The following GGA1 variants were observed in gnomAD, a reference collection of about 807,000 sequenced individuals.
The protein encoded by GGA1 is golgi associated, gamma adaptin ear containing, ARF binding protein 1.
A neutral mutation model predicts 76.9 loss-of-function variants in GGA1; 18 were observed. The ratio of observed to expected loss-of-function variants is 0.23; its 90% CI spans 0.16 to 0.35. GGA1 has a LOEUF of 0.35. GGA1 is among the 10% of genes least tolerant of loss of function. GGA1 has a pLI of 1.00. For missense variants in GGA1, 755 were observed against 859.0 expected (o/e 0.88, Z 1.51); for synonymous variants, 342 against 354.7 (o/e 0.96, Z 0.40).
chr22:37,612,853 T>G, intron 1 of GGA1: 1 of 889,016 alleles, frequency 1.1e-6, no homozygotes, highest in Non-Finnish European at 1.3e-6. Context: ...TAAGCTAGAT[T>G]GTTGTTTAAC....
intron 1 of GGA1, among the ~76,000 whole-genome samples, chr22:37,611,437 A>G (rs1220319230): frequency 1.3e-5 from 2 of 152,122 alleles, no homozygotes; most frequent in Non-Finnish European, 2.9e-5. Flanking sequence ...AACATTTTGC[A>G]ACAGTCTGCA....
intron 1 of GGA1, chr22:37,609,293 G>A (rs982996865): frequency 6.2e-6 from 7 of 1,121,782 alleles, no homozygotes; most frequent in Middle Eastern, 2.5e-4. Context: ...GGGAGGGAGG[G>A]ACCCTACTAT....
chr22:37,620,265 G>A lies in GGA1; in HGVS notation c.331G>A (p.Val111Met). The change falls in exon 5 of 17, where the codon GTG becomes ATG. Residue 111 changes from valine (V) to methionine (M), a missense_variant. Coordinates refer to ENST00000343632, the MANE Select transcript of GGA1 (RefSeq NM_013365.5). ...TCTGGGCTCTCGGACATCGGAGAAG[G>A]TGAAGAACAAGATCTTGGAGCTCCT... ...KYLGSRTSEK[V>M]KNKILELLYS... The A allele has an allele frequency of 3.7e-6, 6 of 1,613,986 alleles. No individual in the cohort carries two copies. Among genetic ancestry groups the A allele is most frequent in the Non-Finnish European group, 5.1e-6 (6 of 1,179,904 alleles).
chr22:37,612,970 C>T (rs1928018726), intron 1 of GGA1: 1 of 985,090 alleles, frequency 1.0e-6, no homozygotes, highest in African/African-American at 1.7e-5. Context: ...TTCAGTCTTC[C>T]CCAGAACCTC....
rs1929665067 is a variant in GGA1 at position 37,620,381 on chromosome 22, G to A, written c.427+20G>A. On this transcript the variant is annotated intron_variant, in intron 5 of 16. Coordinates refer to ENST00000343632, the MANE Select transcript of GGA1 (RefSeq NM_013365.5). The stretch of plus-strand genomic sequence containing the variant: ...AGCAGGGTGAGGCACACAGAGGGTG[G>A]GGGGCGACCAGGGCCTGCCTTCCCC... The A allele has an allele frequency of 5.0e-6, 8 of 1,613,606 alleles. No individual in the cohort carries two copies. Among genetic ancestry groups the A allele is most frequent in the Non-Finnish European group, 5.9e-6 (7 of 1,179,784 alleles).
chr22:37,629,368 TAGGG>T, intron 11 of GGA1, 90 bp from the exon 12 acceptor site: 1 of 813,812 alleles, frequency 1.2e-6, no homozygotes, highest in Admixed American at 2.6e-5. Flanking sequence ...CAGAAAGGGG[TAGGG>T]AGCCCCATGC....
intron 13 of GGA1, 90 bp downstream of exon 13, chr22:37,630,260 G>C: frequency 1.0e-6 from 1 of 956,794 alleles, no homozygotes; most frequent in Middle Eastern, 2.6e-4. Flanking sequence ...AGGCCCAGCA[G>C]GGAGAGGCTC....
At position 37,615,133 on chromosome 22, in the gene GGA1, G is replaced by A. The variant is rs553263186; in HGVS notation, c.128+859G>A. Among the ~76,000 whole-genome samples, 7 of 151,266 alleles carry A rather than the reference G, an allele frequency of 4.6e-5. No homozygotes were observed. The East Asian group carries it at 7.9e-4, about 17-fold the overall frequency. ...GGGCAACATAGCGGGGCAACATAGCGAGACATCATCTCTTAAAAAATAAAA... is the reference window on the plus strand; with the variant it reads ...GGGCAACATAGCGGGGCAACATAGCAAGACATCATCTCTTAAAAAATAAAA... On this transcript the variant is annotated intron_variant, in intron 2 of 16. Coordinates refer to ENST00000343632, the MANE Select transcript of GGA1 (RefSeq NM_013365.5).
chr22:37,624,058 C>G lies in GGA1; in HGVS notation c.832+425C>G, dbSNP rs978790034. 6 of 182,990 alleles carry G rather than the reference C, an allele frequency of 3.3e-5. No individual in the cohort carries two copies. Among genetic ancestry groups the G allele is most frequent in the Admixed American group, 1.1e-4 (2 of 18,556 alleles). The allele number at this position is 182,990 out of a possible 1,614,324, so 11.3% of individuals were successfully genotyped here. A position where few individuals can be genotyped will look rare whatever the true frequency, so the allele number is the denominator to read the frequency against. On this transcript the variant is annotated intron_variant, in intron 9 of 16. Coordinates refer to ENST00000343632, the MANE Select transcript of GGA1 (RefSeq NM_013365.5). The surrounding 1 kb of genome is among the most constrained non-coding windows in gnomAD (Gnocchi z 4.3). ...TCCCACAGCCCAGGCAGTTCCAGAC[C>G]TGAGCCTGACGGCTTCTGCCAGGGC...
chr22:37,622,988 C>G (rs536046675), intron 7 of GGA1, among the ~76,000 whole-genome samples: 2 of 152,292 alleles, frequency 1.3e-5, no homozygotes, highest in East Asian at 3.9e-4. Flanking sequence ...AGGGCAAACA[C>G]AAGGAGGGCA....
chr22:37,621,515 C>A, intron 6 of GGA1, 101 bp from the exon 7 acceptor site: 1 of 714,036 alleles, frequency 1.4e-6, no homozygotes, highest in South Asian at 1.7e-5. Flanking sequence ...GTAACTTACT[C>A]AGGTCCCACA....
At chr22:37,616,127 C>CCA (rs1333197926) in intron 2 of GGA1, among the ~76,000 whole-genome samples, 3 of 152,128 alleles carry the variant, frequency 2.0e-5, no homozygotes, top group African/African-American at 7.2e-5. Context: ...CAGGCATGAG[C>CCA]CACCGTGCCC....
intron 1 of GGA1, among the ~76,000 whole-genome samples, chr22:37,612,147 C>T (rs939097609): frequency 6.6e-6 from 1 of 150,964 alleles, no homozygotes; most frequent in African/African-American, 2.4e-5. Flanking sequence ...CAAAGCAAGA[C>T]TCTTTCTCAA....
intron 6 of GGA1, 43 bp downstream of exon 6, chr22:37,620,956 TG>T: frequency 1.7e-6 from 2 of 1,177,502 alleles, no homozygotes; most frequent in Non-Finnish European, 2.6e-6. Context: ...TGAGCCCAGG[TG>T]GGGGTCCGTG....
rs1029453744 is a variant in GGA1, at chr22:37,624,475, C to G, written c.833-494C>G. On this transcript the variant is annotated intron_variant, in intron 9 of 16. Coordinates refer to ENST00000343632, the MANE Select transcript of GGA1 (RefSeq NM_013365.5). This position sits in a 1 kb window ranked among gnomAD's most constrained non-coding sequence, Gnocchi z 4.3. The stretch of plus-strand genomic sequence containing the variant: ...ATTAAAAAAAAAAAAAAAAGGTTGA[C>G]AAAAACTTCCTCATGGTAGTTTAGT... 1.4e-5 allele frequency: 2 copies of G among 146,910 alleles called. No individual in the cohort carries two copies. Among genetic ancestry groups the G allele is most frequent in the African/African-American group, 5.1e-5 (2 of 39,480 alleles). 9.1% of individuals were successfully genotyped at this position (146,910 alleles called of 1,614,324 possible).
In GGA1 at chr22:37,618,435, C is replaced by T. The variant is rs200792493; in HGVS notation, c.205-13C>T. 43 of 1,556,040 alleles carry T rather than the reference C, an allele frequency of 2.8e-5. No individual in the cohort carries two copies. The highest frequency in any genetic ancestry group is 3.6e-5 in the Non-Finnish European group (41 of 1,127,652). On this transcript the variant is annotated splice_polypyrimidine_tract_variant and intron_variant, in intron 3 of 16. Transcript: ENST00000343632. ...CACCTGGGCGTCCCCTCCCATCCCC[C>T]CTCCCTGCACAGGTGCTGGAAACAT...
chr22:37,631,205 C>T, intron 14 of GGA1, 106 bp downstream of exon 14: 1 of 895,826 alleles, frequency 1.1e-6, no homozygotes, highest in Non-Finnish European at 1.6e-6. Flanking sequence ...CCTGGCTCTG[C>T]CACTGGCCAA....
intron 14 of GGA1, 66 bp downstream of exon 14, chr22:37,631,165 C>A: frequency 1.5e-6 from 2 of 1,304,104 alleles, no homozygotes; most frequent in Non-Finnish European, 2.1e-6. Flanking sequence ...GGAGCTCTGT[C>A]TGGGGAAGCT....
intron 11 of GGA1, among the ~76,000 whole-genome samples, chr22:37,628,139 T>A (rs1931176444): frequency 1.3e-5 from 2 of 152,358 alleles, no homozygotes; most frequent in Non-Finnish European, 2.9e-5. Flanking sequence ...TTTTTGGTTT[T>A]GAGATGGGGG....
Sources: allele counts gnomAD v4.1 joint callset (sites outside exome capture counted in the v4.1 genomes callset), GRCh38; gene constraint gnomAD v4.1.1; non-coding constraint Gnocchi (gnomAD v3.1); transcripts MANE v1.5; gene names NCBI Gene and HGNC (gene_info 2026-07-23, HGNC 2026-07-21).